DSCAML1: variants seen among roughly 807,000 people sequenced by gnomAD.
DSCAML1 encodes DS cell adhesion molecule like 1.
In DSCAML1, 38 loss-of-function variants were observed where a neutral mutation model predicts 200.5. That is an observed-to-expected ratio of 0.19 (90% CI 0.15 to 0.25). The LOEUF (loss-of-function observed/expected upper bound fraction) is 0.25. Among genes scored for constraint, DSCAML1 ranks in the 10% least tolerant of loss-of-function variants. The pLI is 1.00. For missense variants in DSCAML1, 2,223 were observed against 2,858.8 expected (o/e 0.78, Z 5.07); for synonymous variants, 1,215 against 1,165.0 (o/e 1.04, Z -0.87).
At chr11:117,706,334 A>G (rs1030897171) in intron 3 of DSCAML1, among the ~76,000 whole-genome samples, 10 of 152,056 alleles carry the variant, frequency 6.6e-5, no homozygotes, top group African/African-American at 2.2e-4. Flanking sequence ...CTCCTGTTCT[A>G]TGCTGAGAGA....
At chr11:117,736,553 G>A (rs1045420116) in intron 3 of DSCAML1, among the ~76,000 whole-genome samples, 2 of 152,230 alleles carry the variant, frequency 1.3e-5, no homozygotes, top group African/African-American at 4.8e-5. Context: ...GGGTCATGCT[G>A]AAGGCTGGCT....
At chr11:117,802,915 C>T (rs560911409) in intron 1 of DSCAML1, among the ~76,000 whole-genome samples, 1 of 152,358 alleles carries the variant, frequency 6.6e-6, no homozygotes, top group East Asian at 1.9e-4. Flanking sequence ...GACACTTACA[C>T]AGCTCAAGCT....
At chr11:117,512,711 G>T (rs1008759001) in intron 8 of DSCAML1, among the ~76,000 whole-genome samples, 1 of 143,084 alleles carries the variant, frequency 7.0e-6, no homozygotes, top group African/African-American at 2.6e-5. Flanking sequence ...AGCTTATGCT[G>T]GGTGCTGGGG....
At chr11:117,741,095 G>T (rs1363927387) in intron 3 of DSCAML1, among the ~76,000 whole-genome samples, 1 of 152,262 alleles carries the variant, frequency 6.6e-6, no homozygotes, top group African/African-American at 2.4e-5. Context: ...AATCCTGGAG[G>T]TAGGTGCTTT....
intron 3 of DSCAML1, among the ~76,000 whole-genome samples, chr11:117,693,776 A>C (rs183600593): frequency 1.1e-3 from 172 of 152,264 alleles, no homozygotes; most frequent in Admixed American, 3.9e-3. Context: ...CAGGTGAAGA[A>C]ACTGAGACCC....
Position 117,481,265 on chromosome 11 carries a change from C to T in DSCAML1, c.2565G>A (p.Lys855=). 1 of 1,613,708 alleles carries T rather than the reference C, an allele frequency of 6.2e-7. No individual in the cohort carries two copies. The highest frequency in any genetic ancestry group is 2.2e-5 in the East Asian group (1 of 44,816). The change falls in exon 13 of 33, where the codon AAG becomes AAA. Residue 855 remains lysine, a synonymous_variant. Coordinates refer to ENST00000651296, the MANE Select transcript of DSCAML1 (RefSeq NM_020693.4). The part of the protein sequence containing the change: ...GDEVVSTLKL[K]PADRGDSVFF... ...ACACAGAGTCCCCACGGTCAGCGGG[C>T]TTGAGCTGGGAGACCACCAGCAGGG...
In DSCAML1 at chr11:117,793,759, G is replaced by A. The variant is rs1424799611; in HGVS notation, c.46+3275C>T. 9.9e-5 allele frequency among the ~76,000 whole-genome samples: 15 copies of A among 152,274 alleles called. 1 individual carries two copies. In the Middle Eastern group the frequency reaches 0.017, roughly 173 times the overall value. ...CCGGGATCTGTTCAACTTAAGCGCCGCCTTTGGGTCTACTGCTTACTTGTT... is the reference window on the plus strand; with the variant it reads ...CCGGGATCTGTTCAACTTAAGCGCCACCTTTGGGTCTACTGCTTACTTGTT... On this transcript the variant is annotated intron_variant, in intron 1 of 32. Coordinates refer to ENST00000651296, the MANE Select transcript of DSCAML1 (RefSeq NM_020693.4).
At chr11:117,434,231 C>T (rs681160) in intron 27 of DSCAML1, among the ~76,000 whole-genome samples, 89,168 of 151,674 alleles carry the variant, frequency 0.59, 26,585 homozygotes, top group Middle Eastern at 0.67. Context: ...CATCTAACCA[C>T]CTACCATCCA....
In DSCAML1 at chr11:117,700,618, A is replaced by G. The variant is rs2053650474; in HGVS notation, c.511+76173T>C. 2.0e-5 allele frequency among the ~76,000 whole-genome samples: 3 copies of G among 152,240 alleles called. No individual in the cohort carries two copies. The South Asian group carries it at 6.2e-4, about 31-fold the overall frequency. ...ATCGATAACTAACACCTTGATCGTG[A>G]CAAGCTGGGTTCCTAGGATGGCTCT... On this transcript the variant is annotated intron_variant, in intron 3 of 32. Transcript: ENST00000651296.
In DSCAML1 at chr11:117,505,385, C is replaced by T. The variant is rs1042533657; in HGVS notation, c.2062+69G>A. 1.3e-6 allele frequency: 2 copies of T among 1,563,224 alleles called. No individual in the cohort carries two copies. Among genetic ancestry groups the T allele is most frequent in the African/African-American group, 2.7e-5 (2 of 74,152 alleles). ...TGAGCCCGTGATTGGAACTGGAAAT[C>T]TAGAGACTGCAGTAGCAGCAGGCAG... On this transcript the variant is annotated intron_variant, in intron 9 of 32. Transcript: ENST00000651296. This position sits in a 1 kb window ranked among gnomAD's most constrained non-coding sequence, Gnocchi z 6.7.
At chr11:117,788,452 G>C (rs774930380) in intron 1 of DSCAML1, among the ~76,000 whole-genome samples, 1 of 152,116 alleles carries the variant, frequency 6.6e-6, no homozygotes, top group Non-Finnish European at 1.5e-5. Context: ...TCAGTCTCCT[G>C]AGTAGCTGGG....
chr11:117,746,035 A>C (rs1221276559), intron 3 of DSCAML1, among the ~76,000 whole-genome samples: 1 of 151,670 alleles, frequency 6.6e-6, no homozygotes, highest in African/African-American at 2.4e-5. Context: ...TAACAAAGTA[A>C]AACCCTGTCT....
At chr11:117,808,977 C>CCCAGGTG (rs1403525173) in intron 1 of DSCAML1, among the ~76,000 whole-genome samples, 5 of 152,204 alleles carry the variant, frequency 3.3e-5, no homozygotes, top group Non-Finnish European at 7.3e-5. Context: ...CCCAGGGCTG[C>CCCAGGTG]CCAGGTGGTC....
intron 11 of DSCAML1, among the ~76,000 whole-genome samples, chr11:117,497,621 C>T: frequency 6.6e-6 from 1 of 152,246 alleles, no homozygotes; most frequent in East Asian, 1.9e-4. Flanking sequence ...TCTTCCCTTC[C>T]CTCCCTCCTT....
At position 117,481,247 on chromosome 11, in the gene DSCAML1, G is replaced by A. The variant is rs1449436841; in HGVS notation, c.2583C>T (p.Asp861=). 6.2e-7 allele frequency: 1 copy of A among 1,613,846 alleles called. No homozygotes were observed. The highest frequency in any genetic ancestry group is 1.1e-5 in the South Asian group (1 of 91,068). The change falls in exon 13 of 33, where the codon GAC becomes GAT. Residue 861 remains aspartate, a synonymous_variant. Transcript: ENST00000651296. ...TLKLKPADRG[D]SVFFSCHAIN... ...TGGCATGGCAGCTGAAGAACACAGA[G>A]TCCCCACGGTCAGCGGGCTTGAGCT...
At chr11:117,755,916 C>T (rs2054681952) in intron 3 of DSCAML1, among the ~76,000 whole-genome samples, 1 of 152,158 alleles carries the variant, frequency 6.6e-6, no homozygotes. Flanking sequence ...TACCCACTAC[C>T]ATCAGCAGCA....
chr11:117,759,757 C>T (rs981426330), intron 3 of DSCAML1, among the ~76,000 whole-genome samples: 1 of 152,120 alleles, frequency 6.6e-6, no homozygotes, highest in Non-Finnish European at 1.5e-5. Context: ...GGCCTCGCAG[C>T]CCCATAAATA....
chr11:117,450,900 A>T (rs2048270397), intron 19 of DSCAML1, among the ~76,000 whole-genome samples: 1 of 152,198 alleles, frequency 6.6e-6, no homozygotes, highest in South Asian at 2.1e-4. Flanking sequence ...GAAGTCTCTG[A>T]AATGGAGGCC....
intron 3 of DSCAML1, among the ~76,000 whole-genome samples, chr11:117,640,717 T>C (rs2052389365): frequency 6.6e-6 from 1 of 152,204 alleles, no homozygotes; most frequent in South Asian, 2.1e-4. Context: ...CTTCCCCATG[T>C]CAATCCCAGC....
Sources: gnomAD v4.1 joint callset for allele counts (sites outside exome capture counted in the v4.1 genomes callset) on GRCh38, gnomAD v4.1.1 for gene constraint, Gnocchi (gnomAD v3.1) non-coding constraint, MANE v1.5 for transcripts, NCBI Gene and HGNC (gene_info 2026-07-23, HGNC 2026-07-21) for gene names.